OCA2: variants seen among roughly 807,000 people sequenced by gnomAD.
OCA2 encodes the protein P protein.
OCA2 carries 77 observed loss-of-function variants against 100.2 expected under a neutral mutation model. The ratio of observed to expected loss-of-function variants is 0.77; its 90% confidence interval spans 0.64 to 0.93. OCA2 has a LOEUF of 0.93. Ranked by LOEUF, OCA2 falls within the 40% of genes least tolerant of loss-of-function variation. The pLI is 0.00. For synonymous variants in OCA2, 432 were observed against 439.2 expected, an observed-to-expected ratio of 0.98 and a Z score of 0.21; for missense variants, 1,062 against 1,089.1, an observed-to-expected ratio of 0.98 and a Z score of 0.35.
At chr15:28,083,670 T>C (rs1239974412) in intron 1 of OCA2, among the ~76,000 whole-genome samples, 2 of 152,182 alleles carry the variant, frequency 1.3e-5, no homozygotes, top group Non-Finnish European at 2.9e-5. Flanking sequence ...ATGCTAACAA[T>C]TTAAAATTTA....
intron 23 of OCA2, among the ~76,000 whole-genome samples, chr15:27,771,457 C>T (rs2031855763): frequency 6.6e-6 from 1 of 151,012 alleles, no homozygotes; most frequent in Non-Finnish European, 1.5e-5. Flanking sequence ...TCCGCAGAGG[C>T]GTGGGTTCTC....
At chr15:27,753,823 G>C (rs1017664501), downstream of OCA2, among the ~76,000 whole-genome samples, 9 of 152,282 alleles carry the variant, frequency 5.9e-5, 1 homozygote, top group Admixed American at 6.5e-5. Flanking sequence ...CCAACGAGGA[G>C]AGGCAGTGGG....
intron 18 of OCA2, among the ~76,000 whole-genome samples, chr15:27,933,414 G>A (rs892714572): frequency 6.6e-6 from 1 of 152,184 alleles, no homozygotes; most frequent in African/African-American, 2.4e-5. Flanking sequence ...TGATTATAGG[G>A]TTTCTTCTTG....
At chr15:27,932,394 C>A (rs1363538935) in intron 18 of OCA2, among the ~76,000 whole-genome samples, 3 of 152,196 alleles carry the variant, frequency 2.0e-5, no homozygotes, top group Admixed American at 2.0e-4. Flanking sequence ...ATGTAATGCG[C>A]CACCTGAGGA....
At chr15:27,856,234 C>G (rs1379007972) in intron 21 of OCA2, among the ~76,000 whole-genome samples, 1 of 152,208 alleles carries the variant, frequency 6.6e-6, no homozygotes, top group Non-Finnish European at 1.5e-5. Context: ...ACTTGATTAT[C>G]TCTGTAAAGG....
intron 23 of OCA2, among the ~76,000 whole-genome samples, chr15:27,826,586 C>T (rs9806345): frequency 0.51 from 76,778 of 152,032 alleles, 19,998 homozygotes; most frequent in South Asian, 0.76. Context: ...CTTAGCACAC[C>T]GACTCCTGCG....
chr15:27,892,517 A>G (rs1003712264), intron 19 of OCA2, among the ~76,000 whole-genome samples: 2 of 140,230 alleles, frequency 1.4e-5, no homozygotes, highest in African/African-American at 5.8e-5. Context: ...CTGAATTTTA[A>G]TGAAAATGCA....
chr15:27,852,063 AC>A (rs1412309457), intron 21 of OCA2, among the ~76,000 whole-genome samples: 2 of 152,190 alleles, frequency 1.3e-5, no homozygotes, highest in African/African-American at 4.8e-5. Context: ...GACATCAGGT[AC>A]CAGATTCTAC....
chr15:27,855,723 GAGAC>G (rs2035924017), intron 21 of OCA2, among the ~76,000 whole-genome samples: 1 of 152,184 alleles, frequency 6.6e-6, no homozygotes, highest in African/African-American at 2.4e-5. Flanking sequence ...CTAGATACAA[GAGAC>G]AGACAGTAAA....
chr15:27,888,013 A>C (rs918738635), intron 19 of OCA2, among the ~76,000 whole-genome samples: 1 of 152,140 alleles, frequency 6.6e-6, no homozygotes, highest in African/African-American at 2.4e-5. Context: ...CCATGTGCTC[A>C]TCAATAGCAC....
chr15:27,935,278 C>T (rs938633409), intron 18 of OCA2, among the ~76,000 whole-genome samples: 5 of 152,188 alleles, frequency 3.3e-5, no homozygotes, highest in East Asian at 1.9e-4. Context: ...TTCTATCAAA[C>T]GCTTTCCTCG....
chr15:27,999,138 A>T (rs2041848335), intron 9 of OCA2, among the ~76,000 whole-genome samples: 2 of 152,092 alleles, frequency 1.3e-5, no homozygotes, highest in Admixed American at 1.3e-4. Flanking sequence ...AGCATGGCAC[A>T]TGTATACATA....
Position 27,870,894 on chromosome 15 carries a change from CA to C in OCA2, c.2244+259del, listed in dbSNP as rs141015379. Among the ~76,000 whole-genome samples the C allele has an allele frequency of 0.071, 10,765 of 152,166 alleles. 851 individuals carry two copies. Among genetic ancestry groups the C allele is most frequent in the African/African-American group, 0.19 (8,031 of 41,478 alleles). Reference sequence around the variant, plus strand: ...CTTTTCTGGGAGGGGTGGCAGCTCTCAGTGGGGCTGACCTCGAGATCACCAG... The same window carrying C: ...CTTTTCTGGGAGGGGTGGCAGCTCTCGTGGGGCTGACCTCGAGATCACCAG... On this transcript the variant is annotated intron_variant, in intron 21 of 23. Transcript: ENST00000354638.
At chr15:27,954,499 C>T (rs934471886) in intron 17 of OCA2, among the ~76,000 whole-genome samples, 6 of 152,168 alleles carry the variant, frequency 3.9e-5, no homozygotes, top group Non-Finnish European at 7.3e-5. Context: ...GAGGAAACAC[C>T]TGACTCGCAT....
chr15:27,972,643 T>G (rs2040828188), intron 14 of OCA2, among the ~76,000 whole-genome samples: 1 of 152,122 alleles, frequency 6.6e-6, no homozygotes, highest in South Asian at 2.1e-4. Context: ...CTTGGCCAGT[T>G]GCATATCTTC....
At chr15:27,786,327 T>C (rs1427628579) in intron 23 of OCA2, among the ~76,000 whole-genome samples, 1 of 152,202 alleles carries the variant, frequency 6.6e-6, no homozygotes, top group Non-Finnish European at 1.5e-5. Flanking sequence ...AAAAGCCTAC[T>C]GGGTGTTGAT....
chr15:27,821,674 G>C (rs1420921625), intron 23 of OCA2, among the ~76,000 whole-genome samples: 1 of 151,278 alleles, frequency 6.6e-6, no homozygotes, highest in South Asian at 2.1e-4. Context: ...ACATGCATAC[G>C]TGTATTCACC....
rs372671212 is a variant in OCA2 at position 27,956,957 on chromosome 15, C to T, written c.1784+631G>A. On this transcript the variant is annotated intron_variant, in intron 16 of 23. Transcript: ENST00000354638. ...TTGCCTAGATGGACATCTCCACCCC[C>T]TCTCAGCTCAGCTGTGGGGACGCTT... 7.9e-5 allele frequency among the ~76,000 whole-genome samples: 12 copies of T among 152,344 alleles called. No individual in the cohort carries two copies. The South Asian group carries it at 2.5e-3, about 32-fold the overall frequency.
intron 23 of OCA2, among the ~76,000 whole-genome samples, chr15:27,769,618 A>T (rs1274803114): frequency 6.6e-6 from 1 of 151,968 alleles, no homozygotes; most frequent in Non-Finnish European, 1.5e-5. Flanking sequence ...ACCAGACACC[A>T]CCTGTTCCCC....
Sources: allele counts gnomAD v4.1 joint callset (sites outside exome capture counted in the v4.1 genomes callset), GRCh38; gene constraint gnomAD v4.1.1; transcripts MANE v1.5; gene names NCBI Gene and HGNC (gene_info 2026-07-23, HGNC 2026-07-21).